Variants in WDFY3 observed in about 807,000 individuals in gnomAD.
The protein encoded by WDFY3 is WD repeat and FYVE domain containing 3, also known as WD repeat and FYVE domain-containing protein 3.
A neutral mutation model predicts 409.6 loss-of-function variants in WDFY3; 66 were observed. The observed-to-expected ratio is 0.16, with a 90% CI of 0.13 to 0.20. The LOEUF is 0.20. Among genes scored for constraint, WDFY3 ranks in the 10% least tolerant of loss-of-function variants. The probability of loss-of-function intolerance (pLI) is 1.00; values close to 1 mark genes in which losing one functional copy is unlikely to be tolerated. For missense variants in WDFY3, 3,031 were observed against 4,298.1 expected (o/e 0.71, Z 8.24); for synonymous variants, 1,521 against 1,537.1 (o/e 0.99, Z 0.25).
intron 44 of WDFY3, among the ~76,000 whole-genome samples, chr4:84,727,988 TAATAA>T (rs947657038): frequency 7.3e-5 from 11 of 151,662 alleles, no homozygotes. Context: ...GACTAGACCA[TAATAA>T]AATAAAAGTA....
At chr4:84,786,647 CTA>C (rs1446217211) in intron 23 of WDFY3, among the ~76,000 whole-genome samples, 1 of 152,146 alleles carries the variant, frequency 6.6e-6, no homozygotes, top group Non-Finnish European at 1.5e-5. Context: ...GCTGTGCGAC[CTA>C]TATGTCTTTG....
At chr4:84,782,883 C>T (rs1578494810) in intron 25 of WDFY3, 80 bp downstream of exon 25, 1 of 1,256,590 alleles carries the variant, frequency 8.0e-7, no homozygotes, top group Non-Finnish European at 1.2e-6. Flanking sequence ...AACTTAAATA[C>T]TGCCCCTTAA....
rs775520335 is a variant in WDFY3 at position 84,679,073 on chromosome 4, G to A, written c.9993C>T (p.Ser3331=). 1.2e-6 allele frequency: 2 copies of A among 1,614,104 alleles called. No individual in the cohort carries two copies. Among genetic ancestry groups the A allele is most frequent in the Non-Finnish European group, 1.7e-6 (2 of 1,180,052 alleles). ...AWCTDSGSDD[S]RRWSDQLSLD... is the part of the protein sequence containing the mutation. ...GACTGAGCTGGTCGGACCAGCGTCT[G>A]GAGTCGTCAGAGCCACTGTCAGTAC... The change falls in exon 65 of 68, where the codon TCC becomes TCT. Residue 3331 remains serine, a synonymous_variant. Transcript: ENST00000295888.
At chr4:84,860,336 T>C in intron 4 of WDFY3, 76 bp downstream of exon 4, 1 of 1,476,866 alleles carries the variant, frequency 6.8e-7, no homozygotes, top group South Asian at 1.4e-5. Flanking sequence ...TTTCTACCTA[T>C]GGCTTACCAG....
At position 84,683,998 on chromosome 4, in the gene WDFY3, T is replaced by C. The variant is rs748505152; in HGVS notation, c.9671A>G (p.Asn3224Ser). 1.2e-6 allele frequency: 2 copies of C among 1,613,360 alleles called. No homozygotes were observed. Among genetic ancestry groups the C allele is most frequent in the Non-Finnish European group, 1.7e-6 (2 of 1,179,438 alleles). ...TATGACGTTCTGCGTGTCCCATTCG[T>C]TCATCTCCGACATGCAGCAGCAGAT... ...QIICCCMSEMNEWDTQNVIVT... is the reference protein window; with the variant it reads ...QIICCCMSEMSEWDTQNVIVT... The change falls in exon 63 of 68, where the codon AAC becomes AGC. Residue 3224 changes from asparagine to serine, a missense_variant. Coordinates refer to ENST00000295888, the MANE Select transcript of WDFY3 (RefSeq NM_014991.6).
intron 2 of WDFY3, among the ~76,000 whole-genome samples, chr4:84,926,699 G>A (rs934580173): frequency 6.6e-6 from 1 of 152,118 alleles, no homozygotes; most frequent in Admixed American, 6.5e-5. Flanking sequence ...AGTTCCAGAA[G>A]TTTTCGTAAT....
At position 84,669,705 on chromosome 4, in the gene WDFY3, T is replaced by C. The variant is rs1280064287; in HGVS notation, c.*3163A>G. 1 of 147,562 alleles carries C rather than the reference T, an allele frequency of 6.8e-6. No homozygotes were observed. The highest frequency in any genetic ancestry group is 1.5e-5 in the Non-Finnish European group (1 of 66,944). The allele number at this position is 147,562 out of a possible 1,614,324, so 9.1% of individuals were successfully genotyped here. A position where few individuals can be genotyped will look rare whatever the true frequency, so the allele number is the denominator to read the frequency against. ...CAGATATCACAGACTGCACACTAGA[T>C]AGTAATTCTTCAGGTCTTTTACATA... On this transcript the variant is annotated 3_prime_UTR_variant, in exon 68 of 68. Transcript: ENST00000295888.
At chr4:84,737,441 T>C in intron 40 of WDFY3, 75 bp from the exon 41 acceptor site, 1 of 1,425,594 alleles carries the variant, frequency 7.0e-7, no homozygotes, top group Non-Finnish European at 9.2e-7. Context: ...GTTTTTATTT[T>C]TCTTCATGTT....
Position 84,787,628 on chromosome 4 carries a change from G to A in WDFY3, c.3755C>T (p.Pro1252Leu), listed in dbSNP as rs1460584460. The change falls in exon 23 of 68, where the codon CCA (proline) becomes CTA (leucine). Residue 1252 changes from proline (P) to leucine (L), a missense_variant. Around this residue, in one of 16 missense-constraint regions of WDFY3, gnomAD observed 1,322 missense variants for 1,697.9 expected, o/e 0.78. Coordinates refer to ENST00000295888, the MANE Select transcript of WDFY3 (RefSeq NM_014991.6). ...VSTVYAYIGT[P>L]PAQRQIASLV... ...TGAGGCAATTTGGCGTTGGGCAGGT[G>A]GAGTACCAATGTAGGCATAGACCGT... 2 of 1,614,056 alleles carry A rather than the reference G, an allele frequency of 1.2e-6. No individual in the cohort carries two copies. The highest frequency in any genetic ancestry group is 1.3e-5 in the African/African-American group (1 of 74,920).
chr4:84,920,075 A>G (rs1769069266), intron 2 of WDFY3, among the ~76,000 whole-genome samples: 1 of 152,202 alleles, frequency 6.6e-6, no homozygotes, highest in South Asian at 2.1e-4. Context: ...CGAACAAAAA[A>G]TAACTTCTGA....
chr4:84,940,623 T>G (rs918092332), intron 1 of WDFY3, among the ~76,000 whole-genome samples: 29 of 152,098 alleles, frequency 1.9e-4, no homozygotes, highest in Non-Finnish European at 4.1e-4. Context: ...TATTCTTGTT[T>G]ATACTAACCA....
intron 3 of WDFY3, among the ~76,000 whole-genome samples, chr4:84,880,670 CATACATATATATAT>C (rs1391196454): frequency 3.6e-5 from 2 of 55,204 alleles, no homozygotes; most frequent in African/African-American, 1.6e-4. Flanking sequence ...ATAAGGGAAC[CATACATATATATAT>C]ATATATATAT....
chr4:84,886,145 T>C (rs1158748521), intron 3 of WDFY3, among the ~76,000 whole-genome samples: 3 of 152,188 alleles, frequency 2.0e-5, no homozygotes, highest in Non-Finnish European at 4.4e-5. Context: ...TGGACACATA[T>C]TAACAAAAGA....
intron 30 of WDFY3, among the ~76,000 whole-genome samples, chr4:84,768,789 T>G (rs914108681): frequency 6.6e-6 from 1 of 152,190 alleles, no homozygotes; most frequent in African/African-American, 2.4e-5. Flanking sequence ...CTTCAAAGTT[T>G]TATTATTTAA....
chr4:84,872,462 C>T (rs1762253608), intron 3 of WDFY3, among the ~76,000 whole-genome samples: 1 of 143,760 alleles, frequency 7.0e-6, no homozygotes, highest in South Asian at 2.2e-4. Context: ...TAGACTCTGT[C>T]TCAAAAAAAA....
chr4:84,933,947 C>T (rs865873516), intron 1 of WDFY3, among the ~76,000 whole-genome samples: 11 of 152,174 alleles, frequency 7.2e-5, no homozygotes, highest in South Asian at 2.1e-4. Flanking sequence ...TAGTTTGCAT[C>T]CGAATCTTGG....
At chr4:84,845,184 A>G (rs1283185048) in intron 5 of WDFY3, among the ~76,000 whole-genome samples, 1 of 152,196 alleles carries the variant, frequency 6.6e-6, no homozygotes, top group African/African-American at 2.4e-5. Flanking sequence ...TAGCAAATTC[A>G]GAGGGGTACT....
At chr4:84,856,049 C>A (rs1364775400) in intron 4 of WDFY3, among the ~76,000 whole-genome samples, 1 of 152,156 alleles carries the variant, frequency 6.6e-6, no homozygotes, top group African/African-American at 2.4e-5. Context: ...AGACCCAAGC[C>A]ACATTCTCCA....
At chr4:84,916,996 T>C (rs925039446) in intron 2 of WDFY3, among the ~76,000 whole-genome samples, 5 of 152,082 alleles carry the variant, frequency 3.3e-5, no homozygotes, top group Admixed American at 6.5e-5. Flanking sequence ...CAAAAACATA[T>C]ACATGAAACG....
Sources: gnomAD v4.1 joint callset for allele counts (sites outside exome capture counted in the v4.1 genomes callset) on GRCh38, gnomAD v4.1.1 for gene constraint, gnomAD v4.1.1 regional missense constraint, MANE v1.5 for transcripts, NCBI Gene and HGNC (gene_info 2026-07-23, HGNC 2026-07-21) for gene names.